Variants in APBA2 observed in about 807,000 individuals in gnomAD.
The protein encoded by APBA2 is amyloid beta precursor protein binding family A member 2.
APBA2 carries 30 observed loss-of-function variants against 75.0 expected under a neutral mutation model. That is an observed-to-expected ratio of 0.40 (90% CI 0.30 to 0.54). The LOEUF (loss-of-function observed/expected upper bound fraction) is 0.54. Among genes scored for constraint, APBA2 ranks in the 20% least tolerant of loss-of-function variants. The probability of loss-of-function intolerance (pLI) is 0.49; values close to 1 mark genes in which losing one functional copy is unlikely to be tolerated. For missense variants in APBA2, 801 were observed against 1,016.1 expected, an observed-to-expected ratio of 0.79 and a Z score of 2.88; for synonymous variants, 444 against 409.6, an observed-to-expected ratio of 1.08 and a Z score of -1.01.
chr15:28,988,243 C>T lies in APBA2; in HGVS notation c.-94-7510C>T, dbSNP rs182317456. 1.7e-4 allele frequency among the ~76,000 whole-genome samples: 26 copies of T among 151,394 alleles called. No homozygotes were observed. The East Asian group carries it at 4.9e-3, about 28-fold the overall frequency. On this transcript the variant is annotated intron_variant, in intron 2 of 14. Transcript: ENST00000683413. Reference sequence around the variant, plus strand: ...TGTAAGCGTTATGTAAATGATATCACCTTGTATTTTTTTCTGTAGTGTGCC... The same window carrying T: ...TGTAAGCGTTATGTAAATGATATCATCTTGTATTTTTTTCTGTAGTGTGCC...
At chr15:29,007,523 A>C (rs1163470088) in intron 3 of APBA2, among the ~76,000 whole-genome samples, 2 of 152,242 alleles carry the variant, frequency 1.3e-5, no homozygotes, top group East Asian at 3.9e-4. Flanking sequence ...AATTCTTAGA[A>C]TTTAACATAA....
chr15:28,954,991 C>T (rs1265609484), intron 2 of APBA2, among the ~76,000 whole-genome samples: 2 of 152,116 alleles, frequency 1.3e-5, no homozygotes. Flanking sequence ...GAGAGCAGGG[C>T]CAGAGGCATA....
At chr15:29,092,545 C>T (rs569171825) in intron 6 of APBA2, among the ~76,000 whole-genome samples, 1 of 152,140 alleles carries the variant, frequency 6.6e-6, no homozygotes, top group South Asian at 2.1e-4. Context: ...CTAGGGGCAG[C>T]AGATGGAACA....
intron 1 of APBA2, among the ~76,000 whole-genome samples, 185 bp from the exon 2 acceptor site, chr15:28,921,455 T>C (rs1311810794): frequency 6.6e-6 from 1 of 152,164 alleles, no homozygotes; most frequent in Admixed American, 6.5e-5. Flanking sequence ...TTTTCAGATA[T>C]TCAGCTGCTC....
chr15:28,969,190 T>C (rs1041078804), intron 2 of APBA2, among the ~76,000 whole-genome samples: 1 of 148,032 alleles, frequency 6.8e-6, no homozygotes, highest in African/African-American at 2.5e-5. Context: ...CTTTTTTTTA[T>C]TTTTTATTTT....
rs367813097 is a variant in APBA2, at chr15:29,078,352, C to G, written c.1069+2261C>G. Among the ~76,000 whole-genome samples the G allele has an allele frequency of 2.2e-4, 34 of 151,994 alleles. No individual in the cohort carries two copies. The South Asian group carries it at 6.2e-3, about 28-fold the overall frequency. The stretch of plus-strand genomic sequence containing the variant: ...AGGTGGCCAGGCACGGTGGCTCATG[C>G]CTGTAATCCCAGCACTTTGGGAGGC... On this transcript the variant is annotated intron_variant, in intron 6 of 14. Transcript: ENST00000683413.
intron 2 of APBA2, among the ~76,000 whole-genome samples, chr15:28,962,279 A>C (rs1242926257): frequency 1.3e-5 from 2 of 152,016 alleles, no homozygotes; most frequent in Non-Finnish European, 2.9e-5. Context: ...TTAATAATAA[A>C]GATGGGTTTC....
At chr15:29,036,164 A>G (rs1421437601) in intron 3 of APBA2, among the ~76,000 whole-genome samples, 2 of 151,992 alleles carry the variant, frequency 1.3e-5, no homozygotes, top group Non-Finnish European at 2.9e-5. Flanking sequence ...CTTTCCCGCC[A>G]CCCACCAGCC....
In APBA2 at chr15:28,958,733, A is replaced by G. The variant is rs554780600; in HGVS notation, c.-95+36984A>G. Among the ~76,000 whole-genome samples, 9 of 151,982 alleles carry G rather than the reference A, an allele frequency of 5.9e-5. No individual in the cohort carries two copies. The South Asian group carries it at 1.9e-3, about 32-fold the overall frequency. ...GCTTATCAAATCCAGAGCTGTTTACATTTCAGGAGACAACTTCAGACTCTG... is the reference window on the plus strand; with the variant it reads ...GCTTATCAAATCCAGAGCTGTTTACGTTTCAGGAGACAACTTCAGACTCTG... On this transcript the variant is annotated intron_variant, in intron 2 of 14. Transcript: ENST00000683413.
intron 4 of APBA2, among the ~76,000 whole-genome samples, chr15:29,056,595 TCCCTCCCTCCCTCCC>T (rs2041901281): frequency 1.3e-3 from 2 of 1,582 alleles, no homozygotes; most frequent in East Asian, 0.042. Context: ...CCTCCCTCCC[TCCCTCCCTCCCTCCC>T]TCCTTCTCTC....
chr15:28,978,674 G>T (rs142209410), intron 2 of APBA2, among the ~76,000 whole-genome samples: 1 of 152,288 alleles, frequency 6.6e-6, no homozygotes, highest in Non-Finnish European at 1.5e-5. Context: ...ATTTTTGTTT[G>T]TTGTCTTGGC....
At chr15:28,954,637 C>G (rs1437534586) in intron 2 of APBA2, among the ~76,000 whole-genome samples, 1 of 152,152 alleles carries the variant, frequency 6.6e-6, no homozygotes, top group Non-Finnish European at 1.5e-5. Flanking sequence ...CTTGGTCTGC[C>G]TTCTTCAGCC....
intron 13 of APBA2, among the ~76,000 whole-genome samples, chr15:29,110,827 G>A (rs1013743650): frequency 6.6e-6 from 1 of 152,216 alleles, no homozygotes; most frequent in Non-Finnish European, 1.5e-5. Context: ...AGGGTTCTGT[G>A]CCTTTCTTCC....
At chr15:29,056,558 TTTCCTCCC>T (rs2041894065) in intron 4 of APBA2, among the ~76,000 whole-genome samples, 1 of 111,528 alleles carries the variant, frequency 9.0e-6, no homozygotes, top group Admixed American at 9.2e-5. Flanking sequence ...CCTTTCCTCC[TTTCCTCCC>T]TTCCTCCCTT....
chr15:28,927,035 T>C (rs2034305989), intron 2 of APBA2, among the ~76,000 whole-genome samples: 1 of 152,058 alleles, frequency 6.6e-6, no homozygotes, highest in Non-Finnish European at 1.5e-5. Context: ...TTTTGTATTT[T>C]TAGCAGAGAT....
intron 2 of APBA2, among the ~76,000 whole-genome samples, chr15:28,967,728 G>A (rs140244673): frequency 0.016 from 2,497 of 152,176 alleles, 72 homozygotes; most frequent in African/African-American, 0.058. Flanking sequence ...GTGAGCCTCC[G>A]CGCCCGGCCC....
chr15:28,942,770 G>A (rs1246398861), intron 2 of APBA2, among the ~76,000 whole-genome samples: 3 of 152,232 alleles, frequency 2.0e-5, no homozygotes, highest in Non-Finnish European at 4.4e-5. Flanking sequence ...ACTCCCAGGT[G>A]TGCAGGCCAG....
At chr15:29,044,668 A>C (rs573076879) in intron 3 of APBA2, among the ~76,000 whole-genome samples, 1 of 152,304 alleles carries the variant, frequency 6.6e-6, no homozygotes, top group Admixed American at 6.5e-5. Context: ...GACAGCGTCA[A>C]AGGGTCCTGG....
intron 3 of APBA2, among the ~76,000 whole-genome samples, chr15:29,012,754 C>T (rs904892594): frequency 1.3e-5 from 2 of 152,206 alleles, no homozygotes; most frequent in Non-Finnish European, 2.9e-5. Flanking sequence ...AATTTGGACC[C>T]TCAAGTTCTT....
Sources: allele counts gnomAD v4.1 joint callset (sites outside exome capture counted in the v4.1 genomes callset), GRCh38; gene constraint gnomAD v4.1.1; transcripts MANE v1.5; gene names NCBI Gene and HGNC (gene_info 2026-07-23, HGNC 2026-07-21).